The following SNX18 variants were observed in gnomAD, a reference collection of about 807,000 sequenced individuals.
SNX18 encodes sorting nexin-18.
SNX18 carries 35 observed loss-of-function variants against 48.7 expected under a neutral mutation model. The observed-to-expected ratio is 0.72, with a 90% confidence interval of 0.55 to 0.95. The LOEUF (loss-of-function observed/expected upper bound fraction) is 0.95, where lower values mean the gene tolerates loss of function less well. Ranked by LOEUF, SNX18 falls within the 40% of genes least tolerant of loss-of-function variation. The probability of loss-of-function intolerance (pLI) is 0.00; values close to 1 mark genes in which losing one functional copy is unlikely to be tolerated. For missense variants in SNX18, 824 were observed against 871.0 expected, an observed-to-expected ratio of 0.95 and a Z score of 0.68; for synonymous variants, 492 against 384.7, an observed-to-expected ratio of 1.28 and a Z score of -3.26.
At chr5:54,605,442 C>T in the SNX18 span, among the ~76,000 whole-genome samples, 1 of 152,020 alleles carries the variant, frequency 6.6e-6, no homozygotes, top group Non-Finnish European at 1.5e-5. Context: ...GTGTTACGTA[C>T]CAGGAACCAC....
At chr5:54,584,046 C>CTTT in the SNX18 span, among the ~76,000 whole-genome samples, 360 of 110,520 alleles carry the variant, frequency 3.3e-3, no homozygotes, top group Non-Finnish European at 4.7e-3. Context: ...GTGTGTAGCT[C>CTTT]TTTTTTTTTT....
At chr5:54,595,444 C>T in the SNX18 span, among the ~76,000 whole-genome samples, 1 of 152,078 alleles carries the variant, frequency 6.6e-6, no homozygotes, top group East Asian at 1.9e-4. Flanking sequence ...ACCATATTGG[C>T]CAGGCTGGTC....
At chr5:54,525,962 A>G (rs1274199808) in intron 1 of SNX18, among the ~76,000 whole-genome samples, 1 of 152,166 alleles carries the variant, frequency 6.6e-6, no homozygotes. Context: ...GGCTTACCTC[A>G]CTAGGAACTT....
At chr5:54,524,068 C>T (rs576707485) in intron 1 of SNX18, among the ~76,000 whole-genome samples, 1 of 152,322 alleles carries the variant, frequency 6.6e-6, no homozygotes, top group East Asian at 1.9e-4. Flanking sequence ...TTTCTCCTCT[C>T]CCCTGCATTT....
chr5:54,619,726 A>G, the SNX18 span, among the ~76,000 whole-genome samples: 2 of 152,194 alleles, frequency 1.3e-5, no homozygotes, highest in Admixed American at 1.3e-4. Flanking sequence ...CACAGCTCAT[A>G]GTAGAATTTG....
chr5:54,603,569 T>G, the SNX18 span, among the ~76,000 whole-genome samples: 1 of 152,136 alleles, frequency 6.6e-6, no homozygotes, highest in Non-Finnish European at 1.5e-5. Context: ...TTTAAGAGAT[T>G]TTTCAGCTGT....
At chr5:54,588,824 G>A in the SNX18 span, among the ~76,000 whole-genome samples, 2 of 152,154 alleles carry the variant, frequency 1.3e-5, no homozygotes, top group African/African-American at 4.8e-5. Context: ...AAGATCTGAG[G>A]TTTGAACTCT....
the SNX18 span, among the ~76,000 whole-genome samples, chr5:54,554,761 G>A: frequency 6.6e-6 from 1 of 152,160 alleles, no homozygotes; most frequent in African/African-American, 2.4e-5. Flanking sequence ...AAAACCAGAA[G>A]TCATCCCAGG....
chr5:54,517,777 G>A lies in SNX18; in HGVS notation c.-176G>A. 2 of 490,432 alleles carry A rather than the reference G, an allele frequency of 4.1e-6. No homozygotes were observed. Among genetic ancestry groups the A allele is most frequent in the East Asian group, 4.2e-5 (1 of 23,634 alleles). The allele number at this position is 490,432 out of a possible 1,614,324, so 30.4% of individuals were successfully genotyped here. On this transcript the variant is annotated 5_prime_UTR_variant, in exon 1 of 2. Transcript: ENST00000381410. Reference sequence around the variant, plus strand: ...GCGCGGCAGTCGGCGCTGCGAAGTGGAGGCGCTGCGAGCGGAGCCGCGCGG... The same window carrying A: ...GCGCGGCAGTCGGCGCTGCGAAGTGAAGGCGCTGCGAGCGGAGCCGCGCGG...
the SNX18 span, among the ~76,000 whole-genome samples, chr5:54,576,055 A>G: frequency 1.3e-5 from 2 of 152,096 alleles, no homozygotes; most frequent in Non-Finnish European, 2.9e-5. Context: ...CTATTAATCT[A>G]TCTTATGTCA....
In SNX18 at chr5:54,543,160, T is replaced by C; in HGVS notation, c.1622-19T>C. 6.2e-7 allele frequency: 1 copy of C among 1,601,640 alleles called. No individual in the cohort carries two copies. Among genetic ancestry groups the C allele is most frequent in the Non-Finnish European group, 8.5e-7 (1 of 1,174,050 alleles). On this transcript the variant is annotated intron_variant, in intron 1 of 1. Coordinates refer to ENST00000381410, the MANE Select transcript of SNX18 (RefSeq NM_001102575.2). ...TGTGGATATATAGGTTTTTAATTAA[T>C]TGTTATTTTTAACTACAGGAGCTCT...
the SNX18 span, among the ~76,000 whole-genome samples, chr5:54,591,049 T>G: frequency 6.6e-6 from 1 of 152,102 alleles, no homozygotes; most frequent in South Asian, 2.1e-4. Flanking sequence ...GATGTCCTCA[T>G]CTCTCTCCCT....
At chr5:54,580,552 A>G in the SNX18 span, among the ~76,000 whole-genome samples, 5 of 152,194 alleles carry the variant, frequency 3.3e-5, no homozygotes, top group African/African-American at 1.2e-4. Context: ...GACTGGGAAT[A>G]TATTTTCTGG....
intron 1 of SNX18, among the ~76,000 whole-genome samples, chr5:54,537,301 T>G (rs1762376349): frequency 6.6e-6 from 1 of 152,256 alleles, no homozygotes; most frequent in African/African-American, 2.4e-5. Context: ...TTGTTAGGTT[T>G]TTTAAAGAGT....
chr5:54,626,143 C>T, the SNX18 span, among the ~76,000 whole-genome samples: 11 of 152,276 alleles, frequency 7.2e-5, no homozygotes, highest in East Asian at 2.1e-3. Flanking sequence ...TTCTGAAAGA[C>T]ATCTGATATA....
chr5:54,646,486 G>A, the SNX18 span, among the ~76,000 whole-genome samples: 125 of 152,342 alleles, frequency 8.2e-4, 1 homozygote, highest in African/African-American at 2.7e-3. Context: ...GCCGCATTGC[G>A]GGGGAGACAG....
chr5:54,592,235 C>T, the SNX18 span, among the ~76,000 whole-genome samples: 4 of 152,134 alleles, frequency 2.6e-5, no homozygotes, highest in East Asian at 3.9e-4. Flanking sequence ...TGAGATCTGC[C>T]GAATTTGGCC....
At chr5:54,562,032 T>C in the SNX18 span, among the ~76,000 whole-genome samples, 1 of 152,264 alleles carries the variant, frequency 6.6e-6, no homozygotes, top group South Asian at 2.1e-4. Flanking sequence ...TGATAAGTAA[T>C]ACTTGATATG....
chr5:54,614,040 A>T, the SNX18 span, among the ~76,000 whole-genome samples: 1 of 152,348 alleles, frequency 6.6e-6, no homozygotes, highest in East Asian at 1.9e-4. Context: ...TGCATGAGAT[A>T]AGAATATGGT....
Sources: allele counts gnomAD v4.1 joint callset (sites outside exome capture counted in the v4.1 genomes callset), GRCh38; gene constraint gnomAD v4.1.1; transcripts MANE v1.5; gene names NCBI Gene and HGNC (gene_info 2026-07-23, HGNC 2026-07-21).